The following SEPHS1 variants were observed in gnomAD, a reference collection of about 807,000 sequenced individuals.
The protein encoded by SEPHS1 is zincore component SEPHS1.
SEPHS1 carries 7 observed loss-of-function variants against 39.2 expected under a neutral mutation model. The observed-to-expected ratio is 0.18, with a 90% CI of 0.10 to 0.34. The LOEUF (loss-of-function observed/expected upper bound fraction) is 0.34, where lower values mean the gene tolerates loss of function less well. Ranked by LOEUF, SEPHS1 falls within the 10% of genes least tolerant of loss-of-function variation. The probability of loss-of-function intolerance (pLI) is 1.00; values close to 1 mark genes in which losing one functional copy is unlikely to be tolerated. For synonymous variants in SEPHS1, 190 were observed against 195.5 expected (o/e 0.97, Z 0.23); for missense variants, 253 against 514.5 (o/e 0.49, Z 4.92).
intron 1 of SEPHS1, among the ~76,000 whole-genome samples, chr10:13,346,381 C>T (rs553254818): frequency 6.6e-6 from 1 of 152,272 alleles, no homozygotes; most frequent in East Asian, 1.9e-4. Context: ...TTTTCCATCC[C>T]TTGGGACGCA....
intron 8 of SEPHS1, among the ~76,000 whole-genome samples, chr10:13,319,641 C>A: frequency 6.6e-6 from 1 of 152,174 alleles, no homozygotes; most frequent in Non-Finnish European, 1.5e-5. Context: ...GTGTGCACCA[C>A]CACACCTGGC....
intron 4 of SEPHS1, 106 bp from the exon 5 acceptor site, chr10:13,334,077 G>T: frequency 9.7e-7 from 1 of 1,026,800 alleles, no homozygotes; most frequent in Non-Finnish European, 1.4e-6. Flanking sequence ...AAATCCTAAA[G>T]GAAGTCCTCA....
At chr10:13,339,938 A>AG (rs1833740372) in intron 2 of SEPHS1, among the ~76,000 whole-genome samples, 1 of 152,150 alleles carries the variant, frequency 6.6e-6, no homozygotes, top group African/African-American at 2.4e-5. Context: ...GCAGATACAG[A>AG]GGGGGATGCT....
At chr10:13,346,114 T>G (rs1270569367) in intron 1 of SEPHS1, among the ~76,000 whole-genome samples, 1 of 152,208 alleles carries the variant, frequency 6.6e-6, no homozygotes, top group African/African-American at 2.4e-5. Context: ...TAACATTTCA[T>G]TGCAGAACCG....
chr10:13,342,993 C>T (rs1443722837), intron 2 of SEPHS1, among the ~76,000 whole-genome samples: 1 of 152,100 alleles, frequency 6.6e-6, no homozygotes, highest in Non-Finnish European at 1.5e-5. Flanking sequence ...TCTTGACCTC[C>T]CAAAGTGCTG....
chr10:13,333,993 A>G (rs779109403), intron 4 of SEPHS1, 22 bp from the exon 5 acceptor site: 1 of 1,589,370 alleles, frequency 6.3e-7, no homozygotes, highest in Non-Finnish European at 8.5e-7. Flanking sequence ...AAAGGTACAA[A>G]TAAAAAGTCA....
At chr10:13,319,793 C>T (rs146091471) in intron 8 of SEPHS1, among the ~76,000 whole-genome samples, 285 of 152,296 alleles carry the variant, frequency 1.9e-3, no homozygotes, top group African/African-American at 6.5e-3. Context: ...GAGGCCTGTT[C>T]TATGCTGTAA....
intron 8 of SEPHS1, among the ~76,000 whole-genome samples, chr10:13,321,790 G>A (rs1833126334): frequency 6.6e-6 from 1 of 152,226 alleles, no homozygotes; most frequent in Admixed American, 6.5e-5. Flanking sequence ...TGTGGGTGGC[G>A]GCCTCGGCGG....
chr10:13,318,320 GATTAT>G lies in SEPHS1; in HGVS notation c.*817_*821del, dbSNP rs1347787466. On this transcript the variant is annotated 3_prime_UTR_variant, in exon 9 of 9. Coordinates refer to ENST00000327347, the MANE Select transcript of SEPHS1 (RefSeq NM_012247.5). ...CATCCACAGAACAGTCTTTACTATT[GATTAT>G]ATTTAAAAATTATTTGTGTAATTAT... The G allele has an allele frequency of 6.6e-6, 1 of 152,520 alleles. No homozygotes were observed. Among genetic ancestry groups the G allele is most frequent in the Non-Finnish European group, 1.5e-5 (1 of 68,024 alleles). 9.4% of individuals were successfully genotyped at this position (152,520 alleles called of 1,614,324 possible).
intron 5 of SEPHS1, among the ~76,000 whole-genome samples, chr10:13,330,122 T>C (rs1833421408): frequency 6.6e-6 from 1 of 152,226 alleles, no homozygotes; most frequent in African/African-American, 2.4e-5. Context: ...ATAATATACA[T>C]ATTTTTAAAA....
At chr10:13,342,266 C>CA (rs139606622) in intron 2 of SEPHS1, among the ~76,000 whole-genome samples, 398 of 132,976 alleles carry the variant, frequency 3.0e-3, no homozygotes, top group Non-Finnish European at 4.2e-3. Context: ...GACTCCGTCT[C>CA]AAAAAAAAAA....
intron 5 of SEPHS1, 120 bp from the exon 6 acceptor site, chr10:13,329,908 T>A: frequency 1.2e-6 from 1 of 812,918 alleles, no homozygotes; most frequent in Non-Finnish European, 2.0e-6. Context: ...TTACTTAAAT[T>A]GAAGCCAACT....
chr10:13,345,161 C>G, intron 1 of SEPHS1, 133 bp from the exon 2 acceptor site: 1 of 416,984 alleles, frequency 2.4e-6, no homozygotes, highest in Non-Finnish European at 4.2e-6. Flanking sequence ...TTATATTCAC[C>G]ACAGCAGTGC....
intron 6 of SEPHS1, 162 bp downstream of exon 6, chr10:13,329,536 T>C: frequency 1.9e-6 from 1 of 536,194 alleles, no homozygotes; most frequent in East Asian, 3.1e-5. Flanking sequence ...GCAAAACTGT[T>C]ATTTAAAGAC....
chr10:13,341,978 G>T (rs1308152953), intron 2 of SEPHS1, among the ~76,000 whole-genome samples: 1 of 108,970 alleles, frequency 9.2e-6, no homozygotes, highest in South Asian at 2.9e-4. Context: ...CTATCTCAAG[G>T]AAAAAAAAAA....
Position 13,329,775 on chromosome 10 carries a change from C to T in SEPHS1, c.574G>A (p.Val192Met). ...GTCAGCACCAGCACGTCCCCTGGCA[C>T]TGCATTGTCTGGCCTGAAGAAAAGA... ...PNEFIMPDNA[V>M]PGDVLVLTKP... Residue 192 changes from valine (V) to methionine (M), a missense_variant, in exon 6 of 9, where the codon GTG becomes ATG. By Grantham distance (21) the Val-to-Met change is conservative. Around this residue, in one of 4 missense-constraint regions of SEPHS1, gnomAD observed 107 missense variants for 257.1 expected, o/e 0.42. Coordinates refer to ENST00000327347, the MANE Select transcript of SEPHS1 (RefSeq NM_012247.5). 6.2e-7 allele frequency: 1 copy of T among 1,608,394 alleles called. No homozygotes were observed. Among genetic ancestry groups the T allele is most frequent in the Non-Finnish European group, 8.5e-7 (1 of 1,177,818 alleles).
At chr10:13,332,494 T>C (rs1245010724) in intron 5 of SEPHS1, among the ~76,000 whole-genome samples, 1 of 152,202 alleles carries the variant, frequency 6.6e-6, no homozygotes, top group Non-Finnish European at 1.5e-5. Flanking sequence ...TACTTCAAAA[T>C]GCTGAATTCT....
chr10:13,321,404 C>T (rs1419796602), intron 8 of SEPHS1, among the ~76,000 whole-genome samples: 4 of 152,160 alleles, frequency 2.6e-5, no homozygotes, highest in South Asian at 2.1e-4. Context: ...CACGCCACGA[C>T]GCCCCGCTAA....
chr10:13,320,372 AG>A (rs1833071595), intron 8 of SEPHS1, among the ~76,000 whole-genome samples: 1 of 151,604 alleles, frequency 6.6e-6, no homozygotes, highest in Non-Finnish European at 1.5e-5. Context: ...TAGTAGAGAC[AG>A]GGTTTCACCG....
Sources: allele counts gnomAD v4.1 joint callset (sites outside exome capture counted in the v4.1 genomes callset), GRCh38; gene constraint gnomAD v4.1.1; regional missense constraint gnomAD v4.1.1; transcripts MANE v1.5; gene names NCBI Gene and HGNC (gene_info 2026-07-23, HGNC 2026-07-21).